The following DLGAP2 variants were observed in gnomAD, a reference collection of about 807,000 sequenced individuals.
DLGAP2 encodes disks large-associated protein 2.
Under a neutral mutation model 100.3 loss-of-function variants are expected in DLGAP2, and 26 were observed. The observed-to-expected ratio is 0.26, with a 90% CI of 0.19 to 0.36. The LOEUF is 0.36. DLGAP2 is among the 10% of genes least tolerant of loss of function. The pLI is 1.00. For synonymous variants in DLGAP2, 886 were observed against 630.1 expected, an observed-to-expected ratio of 1.41 and a Z score of -6.08; for missense variants, 1,858 against 1,453.2, an observed-to-expected ratio of 1.28 and a Z score of -4.53.
chr8:1,318,066 GTCA>G (rs1563079821), intron 3 of DLGAP2, among the ~76,000 whole-genome samples: 6 of 18,954 alleles, frequency 3.2e-4, no homozygotes, highest in African/African-American at 1.9e-3. Context: ...CGAGACACTC[GTCA>G]GTGTTTAAAA....
chr8:1,033,197 G>C (rs888545817), intron 2 of DLGAP2, among the ~76,000 whole-genome samples: 2 of 151,846 alleles, frequency 1.3e-5, no homozygotes, highest in African/African-American at 4.8e-5. Flanking sequence ...ATGGCCATCA[G>C]CTCAGGCCTG....
chr8:843,440 G>C (rs1483409038), intron 1 of DLGAP2, among the ~76,000 whole-genome samples: 1 of 152,228 alleles, frequency 6.6e-6, no homozygotes, highest in East Asian at 1.9e-4. Context: ...CTGCTGGTGG[G>C]CAAATCCCCT....
chr8:862,277 C>G (rs1212228207), intron 1 of DLGAP2, among the ~76,000 whole-genome samples: 1 of 150,908 alleles, frequency 6.6e-6, no homozygotes. Context: ...GAGTCCTGGA[C>G]AGTCAGGAGG....
chr8:1,237,678 TCACATGGCACCGTG>T (rs1798694809), intron 2 of DLGAP2, among the ~76,000 whole-genome samples: 10 of 112,418 alleles, frequency 8.9e-5, no homozygotes, highest in Non-Finnish European at 1.5e-4. Flanking sequence ...TAGTTCTCTC[TCACATGGCACCGTG>T]TCTAGTTCTC....
At chr8:1,432,103 C>A (rs1172240169) in intron 3 of DLGAP2, among the ~76,000 whole-genome samples, 1 of 152,208 alleles carries the variant, frequency 6.6e-6, no homozygotes, top group Non-Finnish European at 1.5e-5. Flanking sequence ...AGGCTGCCAT[C>A]CATCGGGGCT....
At chr8:990,376 C>A (rs1247886513) in intron 2 of DLGAP2, among the ~76,000 whole-genome samples, 1 of 102,424 alleles carries the variant, frequency 9.8e-6, no homozygotes, top group African/African-American at 3.9e-5. Context: ...CCCCCTGCAC[C>A]CCCATACTCG....
At chr8:869,330 C>T (rs962556412) in intron 1 of DLGAP2, among the ~76,000 whole-genome samples, 14 of 152,140 alleles carry the variant, frequency 9.2e-5, no homozygotes, top group East Asian at 3.8e-4. Context: ...TACTTGTTTC[C>T]GTTACAAGAG....
chr8:1,669,697 G>C (rs751152498), intron 9 of DLGAP2, 46 bp from the exon 10 acceptor site: 5 of 780,700 alleles, frequency 6.4e-6, no homozygotes, highest in Middle Eastern at 2.3e-4. Flanking sequence ...CTGGTCCAGG[G>C]CCTCCGAACC....
chr8:1,297,663 CAGGG>C (rs1248613646), intron 3 of DLGAP2, among the ~76,000 whole-genome samples: 1 of 118,856 alleles, frequency 8.4e-6, no homozygotes, highest in Non-Finnish European at 1.7e-5. Context: ...CCACGTGAGA[CAGGG>C]AGGAGAAACG....
intron 6 of DLGAP2, among the ~76,000 whole-genome samples, chr8:1,614,419 C>T (rs1184067067): frequency 5.9e-5 from 9 of 152,210 alleles, no homozygotes; most frequent in African/African-American, 2.2e-4. Context: ...CAAGGGGTGC[C>T]GAGGTTGGAA....
At chr8:1,538,617 C>T (rs968690348) in intron 4 of DLGAP2, among the ~76,000 whole-genome samples, 9 of 152,160 alleles carry the variant, frequency 5.9e-5, no homozygotes, top group Non-Finnish European at 1.3e-4. Context: ...CCTCCTCCCC[C>T]GCTCCCATGC....
intron 6 of DLGAP2, among the ~76,000 whole-genome samples, chr8:1,612,699 AAAAC>A (rs1412713478): frequency 2.1e-4 from 26 of 121,896 alleles, no homozygotes; most frequent in Middle Eastern, 3.7e-3. Flanking sequence ...TTACAAGAAA[AAAAC>A]AAACAACCCC....
At chr8:1,355,340 T>A (rs1045554098) in intron 3 of DLGAP2, among the ~76,000 whole-genome samples, 15 of 152,192 alleles carry the variant, frequency 9.9e-5, no homozygotes, top group Non-Finnish European at 2.2e-4. Context: ...TTTGTTTTTT[T>A]ATCTAAGCAA....
At chr8:1,433,803 T>C (rs1204348456) in intron 3 of DLGAP2, among the ~76,000 whole-genome samples, 1 of 149,844 alleles carries the variant, frequency 6.7e-6, no homozygotes, top group Admixed American at 6.8e-5. Context: ...AGGTCATATT[T>C]GTAGGAATCC....
rs570344140 is a variant in DLGAP2, at chr8:1,637,706, C to G, written c.1810+4660C>G. Among the ~76,000 whole-genome samples the G allele has an allele frequency of 1.2e-3, 185 of 152,296 alleles. 1 individual carries two copies. Among genetic ancestry groups the G allele is most frequent in the African/African-American group, 4.2e-3 (176 of 41,574 alleles). On this transcript the variant is annotated intron_variant, in intron 8 of 14. Transcript: ENST00000637795. The stretch of plus-strand genomic sequence containing the variant: ...CATTTATTAAGTGTTTGCTGTGTGC[C>G]GGCCGCTGCGCTAAGTGCTCTGAAT...
chr8:1,505,863 T>C (rs1315226014), intron 4 of DLGAP2, among the ~76,000 whole-genome samples: 2 of 152,158 alleles, frequency 1.3e-5, no homozygotes, highest in African/African-American at 4.8e-5. Context: ...AAAGAGTTGG[T>C]GATTTATTTG....
chr8:832,274 A>C (rs933070918), intron 1 of DLGAP2, among the ~76,000 whole-genome samples: 2 of 152,188 alleles, frequency 1.3e-5, no homozygotes, highest in Non-Finnish European at 2.9e-5. Context: ...TGTTTTAGTC[A>C]TGACGTCCTT....
intron 3 of DLGAP2, among the ~76,000 whole-genome samples, chr8:1,328,932 T>G (rs1007733232): frequency 6.6e-6 from 1 of 152,244 alleles, no homozygotes; most frequent in Non-Finnish European, 1.5e-5. Flanking sequence ...GGTCTGATCC[T>G]CTGCAGCACT....
chr8:1,443,705 T>C (rs1370780708), intron 3 of DLGAP2, among the ~76,000 whole-genome samples: 1 of 152,046 alleles, frequency 6.6e-6, no homozygotes, highest in Non-Finnish European at 1.5e-5. Context: ...CTTTATAAAA[T>C]CATCAAATCT....
Sources: allele counts gnomAD v4.1 joint callset (sites outside exome capture counted in the v4.1 genomes callset), GRCh38; gene constraint gnomAD v4.1.1; transcripts MANE v1.5; gene names NCBI Gene and HGNC (gene_info 2026-07-23, HGNC 2026-07-21).